The following ANGPT1 variants were observed in gnomAD, a reference collection of about 807,000 sequenced individuals.
ANGPT1 encodes the protein angiopoietin 1.
In ANGPT1, 17 loss-of-function variants were observed where a neutral mutation model predicts 62.2. The ratio of observed to expected loss-of-function variants is 0.27; its 90% CI spans 0.19 to 0.41. The LOEUF is 0.41. ANGPT1 is among the 10% of genes least tolerant of loss of function. The probability of loss-of-function intolerance (pLI) is 1.00; values close to 1 mark genes in which losing one functional copy is unlikely to be tolerated. For missense variants in ANGPT1, 478 were observed against 594.9 expected (o/e 0.80, Z 2.04); for synonymous variants, 199 against 198.9 (o/e 1.00, Z 0.00).
At chr8:107,436,938 ATATT>A (rs1811350291) in intron 1 of ANGPT1, among the ~76,000 whole-genome samples, 1 of 152,248 alleles carries the variant, frequency 6.6e-6, no homozygotes, top group African/African-American at 2.4e-5. Flanking sequence ...ATATGCTAGT[ATATT>A]TAAACAGTTG....
chr8:107,402,378 C>T (rs771752154), intron 1 of ANGPT1, among the ~76,000 whole-genome samples: 35 of 152,184 alleles, frequency 2.3e-4, no homozygotes, highest in East Asian at 1.5e-3. Context: ...CCCTTAAATA[C>T]GACAAAATAT....
chr8:107,359,070 C>T (rs1407300280), intron 1 of ANGPT1, among the ~76,000 whole-genome samples: 2 of 152,012 alleles, frequency 1.3e-5, no homozygotes, highest in Non-Finnish European at 2.9e-5. Flanking sequence ...TTTCTTCATT[C>T]TCTTATTTTT....
intron 1 of ANGPT1, among the ~76,000 whole-genome samples, chr8:107,380,637 A>C (rs1167762159): frequency 1.3e-5 from 2 of 152,154 alleles, no homozygotes; most frequent in African/African-American, 4.8e-5. Flanking sequence ...TTATTGTTTC[A>C]ACCAATAGCA....
intron 2 of ANGPT1, among the ~76,000 whole-genome samples, chr8:107,346,169 G>C (rs1012167715): frequency 1.3e-5 from 2 of 152,132 alleles, no homozygotes; most frequent in Non-Finnish European, 2.9e-5. Context: ...AAAGAAAATA[G>C]AAATCATGTT....
In ANGPT1 at chr8:107,497,850, G is replaced by A. The variant is rs1813158832; in HGVS notation, c.-292C>T. On this transcript the variant is annotated 5_prime_UTR_variant, in exon 1 of 9. Transcript: ENST00000517746. ...TCTCTGTGTGACCGTTCAGCATGGA[G>A]CCTGCCTGAGTCAGCTGCGTGTACA... 2 of 523,336 alleles carry A rather than the reference G, an allele frequency of 3.8e-6. No homozygotes were observed. The highest frequency in any genetic ancestry group is 6.1e-5 in the East Asian group (2 of 32,798). The allele number at this position is 523,336 out of a possible 1,614,324, so 32.4% of individuals were successfully genotyped here. A position where few individuals can be genotyped will look rare whatever the true frequency, so the allele number is the denominator to read the frequency against.
chr8:107,450,740 A>G (rs937961073), intron 1 of ANGPT1, among the ~76,000 whole-genome samples: 57 of 149,664 alleles, frequency 3.8e-4, no homozygotes, highest in African/African-American at 1.4e-3. Context: ...GCATGTGTGC[A>G]TGTGAATATA....
At chr8:107,257,944 C>CTT (rs1331029780) in intron 8 of ANGPT1, among the ~76,000 whole-genome samples, 6 of 142,718 alleles carry the variant, frequency 4.2e-5, no homozygotes, top group Non-Finnish European at 9.1e-5. Flanking sequence ...CTCTCTCTCT[C>CTT]TCTTTCTTTC....
At chr8:107,299,422 A>ATACAC (rs1281291162) in intron 5 of ANGPT1, among the ~76,000 whole-genome samples, 5 of 116,148 alleles carry the variant, frequency 4.3e-5, no homozygotes, top group African/African-American at 1.2e-4. Flanking sequence ...TATATATATA[A>ATACAC]ACATACATAT....
chr8:107,488,358 A>G (rs755814668), intron 1 of ANGPT1, among the ~76,000 whole-genome samples: 3 of 152,106 alleles, frequency 2.0e-5, no homozygotes, highest in Non-Finnish European at 4.4e-5. Context: ...TTTTGAAACT[A>G]TGTTCCTTTG....
At chr8:107,252,557 T>C (rs1263993962) in intron 8 of ANGPT1, among the ~76,000 whole-genome samples, 2 of 152,198 alleles carry the variant, frequency 1.3e-5, no homozygotes, top group South Asian at 2.1e-4. Flanking sequence ...TACTGTGCAA[T>C]GACTATGATG....
intron 7 of ANGPT1, among the ~76,000 whole-genome samples, chr8:107,276,766 G>C (rs1011148187): frequency 2.0e-5 from 3 of 152,252 alleles, no homozygotes; most frequent in Admixed American, 1.3e-4. Flanking sequence ...TCCAAGTCTA[G>C]AGTTCATGTC....
intron 2 of ANGPT1, among the ~76,000 whole-genome samples, chr8:107,340,810 G>A (rs751654488): frequency 1.3e-5 from 2 of 151,942 alleles, no homozygotes; most frequent in African/African-American, 2.4e-5. Context: ...CTCTTTCAAC[G>A]ACTCATTAAC....
At chr8:107,402,583 A>G (rs902101666) in intron 1 of ANGPT1, among the ~76,000 whole-genome samples, 7 of 152,282 alleles carry the variant, frequency 4.6e-5, no homozygotes, top group Middle Eastern at 3.4e-3. Context: ...GCCTCACAGA[A>G]ACACAATGAA....
chr8:107,479,906 T>C lies in ANGPT1; in HGVS notation c.297+17356A>G, dbSNP rs1387364898. Among the ~76,000 whole-genome samples the C allele has an allele frequency of 4.6e-5, 7 of 152,302 alleles. No homozygotes were observed. The East Asian group carries it at 1.4e-3, about 29-fold the overall frequency. ...TTACTCAAAGGAGCACAAAAATATA[T>C]GCAGTCTTCCAGTTATATTTATTAA... On this transcript the variant is annotated intron_variant, in intron 1 of 8. Transcript: ENST00000517746.
intron 1 of ANGPT1, among the ~76,000 whole-genome samples, chr8:107,419,247 C>T (rs1031478365): frequency 6.6e-6 from 1 of 152,076 alleles, no homozygotes; most frequent in Non-Finnish European, 1.5e-5. Flanking sequence ...GTTTCTCTGA[C>T]CTTCTCTTGC....
chr8:107,479,444 T>C lies in ANGPT1; in HGVS notation c.297+17818A>G, dbSNP rs188384006. Among the ~76,000 whole-genome samples, 724 of 152,310 alleles carry C rather than the reference T, an allele frequency of 4.8e-3. 4 individuals are homozygous for C. Among genetic ancestry groups the C allele is most frequent in the African/African-American group, 0.016 (649 of 41,580 alleles). On this transcript the variant is annotated intron_variant, in intron 1 of 8. Coordinates refer to ENST00000517746, the MANE Select transcript of ANGPT1 (RefSeq NM_001146.5). ...ACCTCATATATTTAAAGAATGTTCC[T>C]ATACCTGTTTCATTCAAGTCCAGAT...
intron 1 of ANGPT1, among the ~76,000 whole-genome samples, chr8:107,484,941 G>A (rs1325506731): frequency 6.6e-6 from 1 of 152,170 alleles, no homozygotes; most frequent in Non-Finnish European, 1.5e-5. Flanking sequence ...TCTCCTGAGA[G>A]ATGATAAATA....
chr8:107,322,491 G>C (rs564315850), intron 3 of ANGPT1, among the ~76,000 whole-genome samples: 1 of 152,158 alleles, frequency 6.6e-6, no homozygotes, highest in East Asian at 1.9e-4. Context: ...AGAGGAAACA[G>C]AATAGTTCAG....
intron 1 of ANGPT1, among the ~76,000 whole-genome samples, chr8:107,386,289 A>G (rs1049953125): frequency 1.3e-5 from 2 of 152,104 alleles, no homozygotes; most frequent in Non-Finnish European, 2.9e-5. Flanking sequence ...GCTCTCAGGT[A>G]TTATGCTAGT....
Sources: allele counts gnomAD v4.1 joint callset (sites outside exome capture counted in the v4.1 genomes callset), GRCh38; gene constraint gnomAD v4.1.1; transcripts MANE v1.5; gene names NCBI Gene and HGNC (gene_info 2026-07-23, HGNC 2026-07-21).